GLYR1: variants seen among roughly 807,000 people sequenced by gnomAD.
The protein encoded by GLYR1 is glyoxylate reductase 1 homolog, also known as cytokine-like nuclear factor N-PAC.
A neutral mutation model predicts 72.7 loss-of-function variants in GLYR1; 21 were observed. The observed-to-expected ratio is 0.29, with a 90% CI of 0.20 to 0.42. The LOEUF (loss-of-function observed/expected upper bound fraction) is 0.42. GLYR1 is among the 10% of genes least tolerant of loss of function. The probability of loss-of-function intolerance (pLI) is 1.00; values close to 1 mark genes in which losing one functional copy is unlikely to be tolerated. For missense variants in GLYR1, 594 were observed against 712.1 expected (o/e 0.83, Z 1.89); for synonymous variants, 392 against 270.2 (o/e 1.45, Z -4.42).
chr16:4,811,102 TAAAAAA>T, intron 15 of GLYR1, 62 bp downstream of exon 15: 1 of 1,450,794 alleles, frequency 6.9e-7, no homozygotes, highest in Non-Finnish European at 9.2e-7. Flanking sequence ...GAGACTCCGT[TAAAAAA>T]AAAAAAAAAA....
At chr16:4,821,052 C>T (rs2083988225) in intron 9 of GLYR1, among the ~76,000 whole-genome samples, 1 of 152,258 alleles carries the variant, frequency 6.6e-6, no homozygotes, top group Admixed American at 6.5e-5. Flanking sequence ...AATTCTTGGG[C>T]CCCACCCGGA....
chr16:4,845,681 TA>T (rs771752033), intron 2 of GLYR1, among the ~76,000 whole-genome samples: 1 of 151,838 alleles, frequency 6.6e-6, no homozygotes, highest in Non-Finnish European at 1.5e-5. Flanking sequence ...AGCAAGAATA[TA>T]AAAACACAAC....
intron 9 of GLYR1, among the ~76,000 whole-genome samples, chr16:4,819,514 T>C (rs923047190): frequency 6.6e-6 from 1 of 152,310 alleles, no homozygotes; most frequent in Admixed American, 6.5e-5. Flanking sequence ...TCTTGCTGTA[T>C]TTCCTAGGCT....
intron 10 of GLYR1, 68 bp from the exon 11 acceptor site, chr16:4,814,715 G>A (rs569877159): frequency 2.4e-6 from 3 of 1,270,422 alleles, no homozygotes; most frequent in East Asian, 2.5e-5. Flanking sequence ...CCAGGCCAGA[G>A]AATTGCTGAC....
rs564114829 is a variant in GLYR1 at position 4,847,271 on chromosome 16, C to T, written c.-6G>A. On this transcript the variant is annotated 5_prime_UTR_variant, in exon 1 of 16. Coordinates refer to ENST00000321919, the MANE Select transcript of GLYR1 (RefSeq NM_032569.4). The stretch of plus-strand genomic sequence containing the variant: ...CGCAGACTCACAGCCGCCATCTTAC[C>T]ACCCAACCACCGCCGACGCACGGGC... 1.6e-5 allele frequency: 26 copies of T among 1,610,314 alleles called. No individual in the cohort carries two copies. In the East Asian group the frequency reaches 5.8e-4, roughly 36 times the overall value.
chr16:4,814,912 G>C (rs953514026), intron 10 of GLYR1, among the ~76,000 whole-genome samples: 1 of 152,180 alleles, frequency 6.6e-6, no homozygotes, highest in Admixed American at 6.5e-5. Flanking sequence ...TTTCAAGAAT[G>C]GGGTATGAAC....
chr16:4,838,717 G>A (rs920128147), intron 3 of GLYR1, among the ~76,000 whole-genome samples: 1 of 152,036 alleles, frequency 6.6e-6, no homozygotes, highest in African/African-American at 2.4e-5. Flanking sequence ...CACCCGAGTA[G>A]CTGGGACTAC....
chr16:4,846,980 A>C, intron 1 of GLYR1: 1 of 519,572 alleles, frequency 1.9e-6, no homozygotes, highest in Non-Finnish European at 3.4e-6. Context: ...CTGGGCCCCG[A>C]GTGCAGACCC....
intron 3 of GLYR1, among the ~76,000 whole-genome samples, chr16:4,838,614 TCTCA>T (rs1332690966): frequency 6.6e-6 from 1 of 151,084 alleles, no homozygotes; most frequent in Non-Finnish European, 1.5e-5. Flanking sequence ...TGAGACAGAG[TCTCA>T]CTCTGTTGCC....
intron 3 of GLYR1, among the ~76,000 whole-genome samples, chr16:4,834,782 C>A (rs919570937): frequency 6.6e-6 from 1 of 152,114 alleles, no homozygotes; most frequent in Non-Finnish European, 1.5e-5. Flanking sequence ...ACCAACTCAT[C>A]TTAAAGTTTG....
At chr16:4,827,026 CCA>C (rs1182009907) in intron 5 of GLYR1, among the ~76,000 whole-genome samples, 1 of 152,234 alleles carries the variant, frequency 6.6e-6, no homozygotes, top group African/African-American at 2.4e-5. Context: ...TGGGCTGTGC[CCA>C]GAGTTCATCC....
chr16:4,842,785 C>T (rs1220868927), intron 3 of GLYR1, among the ~76,000 whole-genome samples: 20 of 152,166 alleles, frequency 1.3e-4, no homozygotes, highest in South Asian at 2.1e-4. Context: ...CTGCAACCTC[C>T]GCATCCCAGG....
intron 10 of GLYR1, among the ~76,000 whole-genome samples, chr16:4,816,581 G>T (rs2083655206): frequency 6.6e-6 from 1 of 151,816 alleles, no homozygotes; most frequent in South Asian, 2.1e-4. Context: ...TTTTTTTGTT[G>T]TTGGGGAGTA....
At chr16:4,806,521 C>A (rs545498047) in intron 15 of GLYR1, among the ~76,000 whole-genome samples, 5 of 151,642 alleles carry the variant, frequency 3.3e-5, no homozygotes, top group Non-Finnish European at 7.4e-5. Context: ...CTCGCCACCA[C>A]GCCCAGCTAG....
Position 4,811,297 on chromosome 16 carries a change from G to A in GLYR1, c.1463-3C>T. On this transcript the variant is annotated splice_polypyrimidine_tract_variant and splice_region_variant and intron_variant, in intron 14 of 15. Transcript: ENST00000321919. ...CTTAAAGTTTCCTTGCAGGATATCT[G>A]AGGAGAAAAAGCCAGTATCAGACAA... The A allele has an allele frequency of 3.1e-6, 5 of 1,613,142 alleles. No homozygotes were observed. The highest frequency in any genetic ancestry group is 4.2e-6 in the Non-Finnish European group (5 of 1,179,752).
intron 3 of GLYR1, chr16:4,843,648 G>A (rs1183826864): frequency 7.8e-7 from 1 of 1,287,710 alleles, no homozygotes; most frequent in Non-Finnish European, 1.0e-6. Context: ...TAAACTCCTG[G>A]ATGAGTGAAG....
At chr16:4,832,670 T>C in intron 4 of GLYR1, 104 bp downstream of exon 4, 1 of 1,331,632 alleles carries the variant, frequency 7.5e-7, no homozygotes, top group South Asian at 1.6e-5. Flanking sequence ...CCAGTAGCAT[T>C]TCAGAAGAAC....
chr16:4,833,691 G>C (rs990890847), intron 3 of GLYR1, among the ~76,000 whole-genome samples: 3 of 151,188 alleles, frequency 2.0e-5, no homozygotes, highest in African/African-American at 4.9e-5. Flanking sequence ...AAAGGTAGAA[G>C]AACATACACC....
intron 3 of GLYR1, chr16:4,839,223 G>A (rs2085370580): frequency 6.6e-6 from 1 of 152,160 alleles, no homozygotes; most frequent in Non-Finnish European, 1.5e-5. Context: ...AGAGTATAAA[G>A]GTGAGAACAA....
Sources: allele counts gnomAD v4.1 joint callset (sites outside exome capture counted in the v4.1 genomes callset), GRCh38; gene constraint gnomAD v4.1.1; transcripts MANE v1.5; gene names NCBI Gene and HGNC (gene_info 2026-07-23, HGNC 2026-07-21).